The following BMPR1B variants were observed in gnomAD, a reference collection of about 807,000 sequenced individuals.
The protein encoded by BMPR1B is bone morphogenetic protein receptor type 1B, also known as bone morphogenetic protein receptor type-1B.
In BMPR1B, 12 loss-of-function variants were observed where a neutral mutation model predicts 59.1. The observed-to-expected ratio is 0.20, with a 90% CI of 0.13 to 0.33. The LOEUF (loss-of-function observed/expected upper bound fraction) is 0.33, where lower values mean the gene tolerates loss of function less well. Ranked by LOEUF, BMPR1B falls within the 10% of genes least tolerant of loss-of-function variation. BMPR1B has a pLI of 1.00. For missense variants in BMPR1B, 550 were observed against 610.9 expected (o/e 0.90, Z 1.05); for synonymous variants, 237 against 207.3 (o/e 1.14, Z -1.23).
chr4:94,873,311 C>T (rs1318058149), intron 1 of BMPR1B, among the ~76,000 whole-genome samples: 4 of 151,892 alleles, frequency 2.6e-5, no homozygotes, highest in African/African-American at 9.7e-5. Flanking sequence ...TTTCCTTCAT[C>T]GTTTGGAGAT....
chr4:94,960,097 C>G (rs548396624), intron 2 of BMPR1B, among the ~76,000 whole-genome samples: 52 of 152,182 alleles, frequency 3.4e-4, no homozygotes, highest in Non-Finnish European at 6.5e-4. Context: ...GCTTTTGTCT[C>G]TTTTTACCAA....
At chr4:94,896,685 T>C (rs1727599921) in intron 2 of BMPR1B, among the ~76,000 whole-genome samples, 1 of 152,064 alleles carries the variant, frequency 6.6e-6, no homozygotes, top group Non-Finnish European at 1.5e-5. Flanking sequence ...AGGTAGACTT[T>C]TGCAGGAGTT....
intron 8 of BMPR1B, among the ~76,000 whole-genome samples, chr4:95,128,338 A>C (rs944313453): frequency 6.6e-6 from 1 of 152,236 alleles, no homozygotes; most frequent in African/African-American, 2.4e-5. Context: ...ATTGGTGTAA[A>C]GTATATCTCT....
At chr4:94,890,946 A>C (rs754873782) in intron 2 of BMPR1B, among the ~76,000 whole-genome samples, 19 of 152,114 alleles carry the variant, frequency 1.2e-4, no homozygotes, top group Non-Finnish European at 2.5e-4. Flanking sequence ...GGAAAGGACC[A>C]ACATTGCATT....
At position 95,157,480 on chromosome 4, in the gene BMPR1B, T is replaced by C. The variant is rs1014418485; in HGVS notation, c.*2807T>C. On this transcript the variant is annotated 3_prime_UTR_variant, in exon 13 of 13. Coordinates refer to ENST00000515059, the MANE Select transcript of BMPR1B (RefSeq NM_001203.3). ...ACCCAGAAATTAATAATGTTGTTTA[T>C]TGCTTACTGTCAGGACTATTTCAAA... 1.3e-5 allele frequency: 2 copies of C among 152,058 alleles called. No homozygotes were observed. 9.4% of individuals were successfully genotyped at this position (152,058 alleles called of 1,614,324 possible). A position where few individuals can be genotyped will look rare whatever the true frequency, so the allele number is the denominator to read the frequency against.
intron 1 of BMPR1B, among the ~76,000 whole-genome samples, chr4:94,851,029 T>C (rs1725549372): frequency 6.9e-6 from 1 of 144,534 alleles, no homozygotes; most frequent in Non-Finnish European, 1.5e-5. Context: ...CAGATACTTC[T>C]ATTTCCACTG....
At chr4:95,113,583 G>A (rs1731786900) in intron 4 of BMPR1B, among the ~76,000 whole-genome samples, 1 of 152,124 alleles carries the variant, frequency 6.6e-6, no homozygotes, top group Admixed American at 6.6e-5. Flanking sequence ...ATGAGAAAAG[G>A]ATAGAGATAT....
At chr4:94,847,326 A>G (rs1725372214) in intron 1 of BMPR1B, among the ~76,000 whole-genome samples, 2 of 152,210 alleles carry the variant, frequency 1.3e-5, no homozygotes, top group Admixed American at 6.5e-5. Flanking sequence ...ATCCTTGTAC[A>G]CTGTTCGTGT....
chr4:95,138,163 TGAAG>T, intron 10 of BMPR1B, among the ~76,000 whole-genome samples: 1 of 152,114 alleles, frequency 6.6e-6, no homozygotes, highest in South Asian at 2.1e-4. Context: ...CTTTCACTTA[TGAAG>T]CTTAGTTTGG....
chr4:95,100,119 G>A (rs945238698), intron 3 of BMPR1B, among the ~76,000 whole-genome samples: 1 of 151,984 alleles, frequency 6.6e-6, no homozygotes, highest in Non-Finnish European at 1.5e-5. Context: ...TCCACATTTA[G>A]CATTATCTTG....
At chr4:95,099,399 C>CTG (rs1364890465) in intron 3 of BMPR1B, among the ~76,000 whole-genome samples, 1 of 152,136 alleles carries the variant, frequency 6.6e-6, no homozygotes, top group Non-Finnish European at 1.5e-5. Context: ...CTCCATAGAT[C>CTG]CATGCAGATA....
intron 1 of BMPR1B, among the ~76,000 whole-genome samples, chr4:94,761,900 G>T (rs1300219142): frequency 6.6e-6 from 1 of 152,142 alleles, no homozygotes; most frequent in African/African-American, 2.4e-5. Flanking sequence ...GAAAGGAGGG[G>T]TTGCGGCTAG....
intron 1 of BMPR1B, among the ~76,000 whole-genome samples, chr4:94,817,934 G>A (rs984430635): frequency 6.6e-6 from 1 of 152,136 alleles, no homozygotes; most frequent in African/African-American, 2.4e-5. Context: ...CTAAGGAGGT[G>A]GTTCTTAACT....
intron 3 of BMPR1B, among the ~76,000 whole-genome samples, chr4:95,038,670 G>A (rs1234322404): frequency 2.6e-5 from 4 of 152,198 alleles, no homozygotes; most frequent in Non-Finnish European, 4.4e-5. Context: ...TTAAAAATAC[G>A]TTTAAAGAAA....
chr4:94,923,376 A>G (rs1375441616), intron 2 of BMPR1B, among the ~76,000 whole-genome samples: 1 of 152,108 alleles, frequency 6.6e-6, no homozygotes, highest in East Asian at 1.9e-4. Flanking sequence ...GTACTCTGAA[A>G]TTTTGGATTT....
At position 94,834,663 on chromosome 4, in the gene BMPR1B, A is replaced by T. The variant is rs143380059; in HGVS notation, c.-182-41168A>T. Among the ~76,000 whole-genome samples, 117 of 133,434 alleles carry T rather than the reference A, an allele frequency of 8.8e-4. 1 individual carries two copies. Among genetic ancestry groups the T allele is most frequent in the East Asian group, 8.1e-3 (42 of 5,160 alleles). The allele number at this position is 133,434 out of a possible 152,430, so 87.5% of individuals were successfully genotyped here. On this transcript the variant is annotated intron_variant, in intron 1 of 12. Coordinates refer to ENST00000515059, the MANE Select transcript of BMPR1B (RefSeq NM_001203.3). ...GAGGATTGGTGTAGTTTAGAACCTT[A>T]TGAACTGGAACCAATAAAACGGTTC...
chr4:95,097,185 T>C (rs1242094386), intron 3 of BMPR1B, among the ~76,000 whole-genome samples: 1 of 148,932 alleles, frequency 6.7e-6, no homozygotes, highest in African/African-American at 2.5e-5. Context: ...GAACCACACA[T>C]GTGTAGTGTC....
At chr4:95,096,892 CATAT>C (rs1272562195) in intron 3 of BMPR1B, among the ~76,000 whole-genome samples, 1 of 138,310 alleles carries the variant, frequency 7.2e-6, no homozygotes, top group South Asian at 2.2e-4. Context: ...TTAATTTAAA[CATAT>C]ATATTCAATT....
At chr4:95,074,628 AAAT>A (rs1234777015) in intron 3 of BMPR1B, among the ~76,000 whole-genome samples, 1 of 152,152 alleles carries the variant, frequency 6.6e-6, no homozygotes, top group African/African-American at 2.4e-5. Context: ...AATATGATAC[AAAT>A]AATATAAGGA....
Sources: gnomAD v4.1 joint callset for allele counts (sites outside exome capture counted in the v4.1 genomes callset) on GRCh38, gnomAD v4.1.1 for gene constraint, MANE v1.5 for transcripts, NCBI Gene and HGNC (gene_info 2026-07-23, HGNC 2026-07-21) for gene names.